KLHL7: variants seen among roughly 807,000 people sequenced by gnomAD.
KLHL7 encodes the protein kelch like family member 7.
In KLHL7, 44 loss-of-function variants were observed where a neutral mutation model predicts 67.4. That is an observed-to-expected ratio of 0.65 (90% CI 0.51 to 0.84). The LOEUF (loss-of-function observed/expected upper bound fraction) is 0.84, where lower values mean the gene tolerates loss of function less well. Among genes scored for constraint, KLHL7 ranks in the 40% least tolerant of loss-of-function variants. KLHL7 has a pLI of 0.00. For missense variants in KLHL7, 362 were observed against 718.1 expected (o/e 0.50, Z 5.67); for synonymous variants, 252 against 243.3 (o/e 1.04, Z -0.33).
chr7:23,162,526 C>T (rs1199190873), intron 7 of KLHL7, among the ~76,000 whole-genome samples: 1 of 152,174 alleles, frequency 6.6e-6, no homozygotes, highest in East Asian at 1.9e-4. Context: ...AAACTAAAGT[C>T]CCTTAGAAGT....
intron 5 of KLHL7, 100 bp downstream of exon 5, chr7:23,141,044 G>C (rs1784164486): frequency 9.7e-7 from 1 of 1,033,254 alleles, no homozygotes; most frequent in Non-Finnish European, 1.5e-6. Context: ...AGTCATATTA[G>C]GAAAGAATAT....
chr7:23,139,344 T>C (rs1043898614), intron 4 of KLHL7, among the ~76,000 whole-genome samples: 1 of 152,230 alleles, frequency 6.6e-6, no homozygotes, highest in Non-Finnish European at 1.5e-5. Context: ...TAATTTACTA[T>C]GCTAACAAGC....
chr7:23,147,093 AC>A (rs1440701333), intron 6 of KLHL7, among the ~76,000 whole-genome samples: 5 of 129,468 alleles, frequency 3.9e-5, no homozygotes, highest in Admixed American at 1.5e-4. Flanking sequence ...ATTAACCTGG[AC>A]TTTTTTTTTT....
intron 1 of KLHL7, among the ~76,000 whole-genome samples, chr7:23,116,458 C>G (rs1783092811): frequency 6.6e-6 from 1 of 152,224 alleles, no homozygotes; most frequent in African/African-American, 2.4e-5. Context: ...GCATTTTCCT[C>G]TGTGGTACAT....
At chr7:23,172,188 G>A (rs1562595046) in intron 9 of KLHL7, 1 of 456,248 alleles carries the variant, frequency 2.2e-6, no homozygotes, top group Admixed American at 2.4e-5. Flanking sequence ...GTCAGTCTTG[G>A]GAGTGTATGC....
At chr7:23,106,328 C>G (rs995796433) in intron 1 of KLHL7, 182 bp downstream of exon 1, 2 of 1,456,498 alleles carry the variant, frequency 1.4e-6, no homozygotes, top group African/African-American at 1.4e-5. Context: ...AAACAATTCT[C>G]GAGCAAAAGT....
At chr7:23,139,019 C>T (rs1195190498) in intron 4 of KLHL7, among the ~76,000 whole-genome samples, 2 of 149,624 alleles carry the variant, frequency 1.3e-5, no homozygotes, top group Non-Finnish European at 3.0e-5. Context: ...AAAGTGTGGG[C>T]TTGTATATAC....
chr7:23,106,274 G>T (rs1782634462), intron 1 of KLHL7, 128 bp downstream of exon 1: 3 of 1,526,756 alleles, frequency 2.0e-6, no homozygotes, highest in South Asian at 2.4e-5. Context: ...CCCTCCTTCC[G>T]TTTTCGCAGG....
intron 6 of KLHL7, among the ~76,000 whole-genome samples, chr7:23,145,905 A>G (rs1003254593): frequency 1.3e-5 from 2 of 151,940 alleles, no homozygotes; most frequent in Non-Finnish European, 2.9e-5. Flanking sequence ...TAATTTTTGT[A>G]TTTTTTTGTC....
chr7:23,169,258 CAAAAAAA>C (rs894288448), intron 9 of KLHL7, among the ~76,000 whole-genome samples: 1 of 145,626 alleles, frequency 6.9e-6, no homozygotes, highest in Admixed American at 6.8e-5. Context: ...GACTCCATCT[CAAAAAAA>C]AATAAAAAAT....
At chr7:23,167,688 T>G in intron 8 of KLHL7, 148 bp from the exon 9 acceptor site, 1 of 693,004 alleles carries the variant, frequency 1.4e-6, no homozygotes, top group South Asian at 1.7e-5. Flanking sequence ...CTTAAACTAT[T>G]CCTACACTTT....
chr7:23,126,896 A>G (rs972817471), intron 4 of KLHL7, among the ~76,000 whole-genome samples: 3 of 152,234 alleles, frequency 2.0e-5, no homozygotes, highest in Non-Finnish European at 4.4e-5. Flanking sequence ...ATGGGTCTAC[A>G]TATTGAAAAG....
At chr7:23,132,204 T>G (rs1165533863) in intron 4 of KLHL7, among the ~76,000 whole-genome samples, 2 of 152,222 alleles carry the variant, frequency 1.3e-5, no homozygotes, top group African/African-American at 4.8e-5. Context: ...GTTAGCTCAA[T>G]TTTTAGTTTT....
chr7:23,108,852 T>C (rs757302763), intron 1 of KLHL7, among the ~76,000 whole-genome samples: 1 of 152,264 alleles, frequency 6.6e-6, no homozygotes, highest in Non-Finnish European at 1.5e-5. Context: ...TCATCTGTGC[T>C]GTGTGTAGCG....
At chr7:23,106,395 G>A in intron 1 of KLHL7, 10 of 1,336,980 alleles carry the variant, frequency 7.5e-6, no homozygotes, top group Non-Finnish European at 9.6e-6. Context: ...GACTCCTCAG[G>A]CTGGCTTTCG....
intron 8 of KLHL7, among the ~76,000 whole-genome samples, chr7:23,166,801 T>C (rs1424943741): frequency 6.6e-6 from 1 of 152,184 alleles, no homozygotes; most frequent in African/African-American, 2.4e-5. Context: ...TGTTCTGTGG[T>C]ACTGCAGATA....
At chr7:23,156,399 G>A (rs4722227) in intron 7 of KLHL7, among the ~76,000 whole-genome samples, 140,870 of 152,262 alleles carry the variant, frequency 0.93, 65,348 homozygotes, top group East Asian at 0.99. Flanking sequence ...GTGCTTAGTG[G>A]TTTCTAAAAG....
chr7:23,106,023 G>A lies in KLHL7; in HGVS notation c.-4G>A. On this transcript the variant is annotated 5_prime_UTR_variant, in exon 1 of 11. Transcript: ENST00000339077. ...GCCCCGGGCGTGAACCGAGCTGAGG[G>A]AGGATGGCAGCCTCTGGGGTGGAGA... The A allele has an allele frequency of 1.2e-6, 2 of 1,609,860 alleles. No homozygotes were observed. Among genetic ancestry groups the A allele is most frequent in the Non-Finnish European group, 1.7e-6 (2 of 1,178,820 alleles).
At chr7:23,165,586 G>A (rs1038593926) in intron 7 of KLHL7, 112 bp from the exon 8 acceptor site, 18 of 1,191,460 alleles carry the variant, frequency 1.5e-5, no homozygotes, top group Middle Eastern at 2.2e-4. Context: ...ATTTGTATGT[G>A]TAGTCTAATA....
Sources: allele counts gnomAD v4.1 joint callset (sites outside exome capture counted in the v4.1 genomes callset), GRCh38; gene constraint gnomAD v4.1.1; transcripts MANE v1.5; gene names NCBI Gene and HGNC (gene_info 2026-07-23, HGNC 2026-07-21).